The following DNAAF9 variants were observed in gnomAD, a reference collection of about 807,000 sequenced individuals.
The protein encoded by DNAAF9 is dynein axonemal assembly factor 9.
DNAAF9 carries 90 observed loss-of-function variants against 167.0 expected under a neutral mutation model. The observed-to-expected ratio is 0.54, with a 90% CI of 0.45 to 0.64. The LOEUF (loss-of-function observed/expected upper bound fraction) is 0.64, where lower values mean the gene tolerates loss of function less well. Ranked by LOEUF, DNAAF9 falls within the 30% of genes least tolerant of loss-of-function variation. The pLI is 0.00. For missense variants in DNAAF9, 1,315 were observed against 1,442.2 expected (o/e 0.91, Z 1.43); for synonymous variants, 491 against 508.8 (o/e 0.96, Z 0.47).
chr20:3,275,706 T>G (rs1005066681), intron 29 of DNAAF9, among the ~76,000 whole-genome samples: 1 of 152,216 alleles, frequency 6.6e-6, no homozygotes, highest in Non-Finnish European at 1.5e-5. Flanking sequence ...TAGTGAGCGG[T>G]TCCACCTTGT....
At chr20:3,254,670 C>T (rs1386260413) in intron 35 of DNAAF9, among the ~76,000 whole-genome samples, 1 of 152,220 alleles carries the variant, frequency 6.6e-6, no homozygotes, top group African/African-American at 2.4e-5. Context: ...CTGCTCATTA[C>T]TGGCATCCTG....
intron 20 of DNAAF9, among the ~76,000 whole-genome samples, chr20:3,307,415 C>T (rs2069318633): frequency 6.6e-6 from 1 of 152,088 alleles, no homozygotes; most frequent in African/African-American, 2.4e-5. Context: ...TACTGGGTGG[C>T]CCAGTGCCTG....
intron 1 of DNAAF9, among the ~76,000 whole-genome samples, chr20:3,394,170 T>C (rs1488005121): frequency 6.6e-6 from 1 of 152,082 alleles, no homozygotes; most frequent in Non-Finnish European, 1.5e-5. Flanking sequence ...AAACCCTGTC[T>C]CTACTAAAAA....
At chr20:3,298,205 G>A in intron 21 of DNAAF9, 30 bp from the exon 22 acceptor site, 1 of 1,597,262 alleles carries the variant, frequency 6.3e-7, no homozygotes, top group South Asian at 1.1e-5. Context: ...GCATCAGCAA[G>A]AAGAGCATCT....
At chr20:3,371,638 C>T (rs550786046) in intron 6 of DNAAF9, among the ~76,000 whole-genome samples, 9 of 152,152 alleles carry the variant, frequency 5.9e-5, no homozygotes, top group African/African-American at 1.2e-4. Flanking sequence ...CCACCGCGCC[C>T]GGCAGAAAAT....
At chr20:3,375,485 CAA>C (rs2083563478) in intron 4 of DNAAF9, among the ~76,000 whole-genome samples, 1 of 152,114 alleles carries the variant, frequency 6.6e-6, no homozygotes, top group Non-Finnish European at 1.5e-5. Flanking sequence ...GATTTCCAGT[CAA>C]ACCCCTGAAA....
chr20:3,354,230 A>G (rs114261780), intron 7 of DNAAF9, among the ~76,000 whole-genome samples: 1 of 152,228 alleles, frequency 6.6e-6, no homozygotes, highest in Non-Finnish European at 1.5e-5. Context: ...TAGACATGCT[A>G]TTCTCCCAAC....
rs546385726 is a variant in DNAAF9, at chr20:3,303,944, G to A, written c.1782+496C>T. Among the ~76,000 whole-genome samples the A allele has an allele frequency of 2.0e-5, 3 of 152,354 alleles. No individual in the cohort carries two copies. In the East Asian group the frequency reaches 5.8e-4, roughly 29 times the overall value. On this transcript the variant is annotated intron_variant, in intron 21 of 36. Transcript: ENST00000252032. ...AGAGGAAGTCTGGGTGTGTGAGGGA[G>A]GAGGGGCTAAACTCTCACGGGGAAA...
At chr20:3,313,988 T>C (rs1011249553) in intron 20 of DNAAF9, among the ~76,000 whole-genome samples, 1 of 152,306 alleles carries the variant, frequency 6.6e-6, no homozygotes, top group Admixed American at 6.5e-5. Flanking sequence ...AAAGCTGCCA[T>C]GGGCTGGTGA....
intron 1 of DNAAF9, among the ~76,000 whole-genome samples, chr20:3,389,044 C>T (rs1263723932): frequency 1.3e-5 from 2 of 152,214 alleles, no homozygotes; most frequent in African/African-American, 4.8e-5. Context: ...TCCCAGCTCA[C>T]TGCAGCCTCT....
At chr20:3,263,359 A>G (rs185865597) in intron 31 of DNAAF9, among the ~76,000 whole-genome samples, 30 of 152,306 alleles carry the variant, frequency 2.0e-4, no homozygotes, top group African/African-American at 7.0e-4. Context: ...GTGAGTAAGA[A>G]TAACAAAGAT....
At chr20:3,352,196 T>A (rs879923262) in intron 7 of DNAAF9, among the ~76,000 whole-genome samples, 1 of 152,246 alleles carries the variant, frequency 6.6e-6, no homozygotes, top group Non-Finnish European at 1.5e-5. Flanking sequence ...TAGTATTTTG[T>A]ATATAGAAAT....
At chr20:3,377,299 G>A (rs1249316964) in intron 3 of DNAAF9, among the ~76,000 whole-genome samples, 1 of 152,206 alleles carries the variant, frequency 6.6e-6, no homozygotes, top group East Asian at 1.9e-4. Context: ...TCTACAGAAT[G>A]TAGATTTCTC....
intron 10 of DNAAF9, among the ~76,000 whole-genome samples, chr20:3,336,741 G>A (rs373044626): frequency 2.0e-5 from 3 of 150,040 alleles, no homozygotes; most frequent in Admixed American, 6.6e-5. Flanking sequence ...TAGTAGAGAC[G>A]GGGTTTCGCC....
chr20:3,349,084 T>C (rs2070255025), intron 7 of DNAAF9, among the ~76,000 whole-genome samples: 1 of 149,824 alleles, frequency 6.7e-6, no homozygotes, highest in Non-Finnish European at 1.5e-5. Flanking sequence ...CTAGGAGCAG[T>C]GGTTCACATC....
intron 31 of DNAAF9, among the ~76,000 whole-genome samples, 173 bp downstream of exon 31, chr20:3,264,265 G>A (rs910859332): frequency 6.6e-6 from 1 of 152,200 alleles, no homozygotes; most frequent in African/African-American, 2.4e-5. Flanking sequence ...GTGGAGCACT[G>A]GGCTCCTGGC....
chr20:3,324,964 T>G lies in DNAAF9; in HGVS notation c.1193A>C (p.Lys398Thr). The stretch of plus-strand genomic sequence containing the variant: ...TCCCAGAGTTTGCTCTGCTACCTCC[T>G]TGGCCTGTAAAATAATAAGACAGCG... Reference protein sequence around the residue: ...YAKTSSLTKAKEVAEQTLGSG... With the variant: ...YAKTSSLTKATEVAEQTLGSG... The change falls in exon 14 of 37, where the codon AAG (lysine) becomes ACG (threonine). Residue 398 changes from lysine to threonine, a missense_variant. By Grantham distance (78) the Lys-to-Thr change is moderately conservative (BLOSUM62 -1). Coordinates refer to ENST00000252032, the MANE Select transcript of DNAAF9 (RefSeq NM_001009984.3). 2 of 1,588,974 alleles carry G rather than the reference T, an allele frequency of 1.3e-6. No individual in the cohort carries two copies. The highest frequency in any genetic ancestry group is 3.3e-4 in the Middle Eastern group (2 of 6,014).
chr20:3,376,819 C>T lies in DNAAF9; in HGVS notation c.284-517G>A, dbSNP rs966300554. Among the ~76,000 whole-genome samples, 4 of 152,216 alleles carry T rather than the reference C, an allele frequency of 2.6e-5. No individual in the cohort carries two copies. The East Asian group carries it at 5.8e-4, about 22-fold the overall frequency. ...GTGGCTCACGCCTGTAATCCCAGCA[C>T]TTTGGGAGGCTGAGGCGGATGGATC... On this transcript the variant is annotated intron_variant, in intron 3 of 36. Transcript: ENST00000252032.
At chr20:3,319,281 A>G (rs1242602570) in intron 16 of DNAAF9, among the ~76,000 whole-genome samples, 3 of 149,312 alleles carry the variant, frequency 2.0e-5, no homozygotes, top group Non-Finnish European at 4.5e-5. Flanking sequence ...AAAAAAAAAA[A>G]AAAAAAAAGC....
Sources: gnomAD v4.1 joint callset for allele counts (sites outside exome capture counted in the v4.1 genomes callset) on GRCh38, gnomAD v4.1.1 for gene constraint, MANE v1.5 for transcripts, NCBI Gene and HGNC (gene_info 2026-07-23, HGNC 2026-07-21) for gene names.